The following AFF3 variants were observed in gnomAD, a reference collection of about 807,000 sequenced individuals.
AFF3 encodes AF4/FMR2 family member 3.
AFF3 carries 32 observed loss-of-function variants against 129.7 expected under a neutral mutation model. The observed-to-expected ratio is 0.25, with a 90% confidence interval of 0.19 to 0.33. AFF3 has a LOEUF of 0.33. AFF3 is among the 10% of genes least tolerant of loss of function. The pLI is 1.00. For synonymous variants in AFF3, 644 were observed against 635.4 expected, an observed-to-expected ratio of 1.01 and a Z score of -0.20; for missense variants, 1,373 against 1,592.0, an observed-to-expected ratio of 0.86 and a Z score of 2.34.
chr2:99,770,789 C>T (rs544144832), intron 8 of AFF3, among the ~76,000 whole-genome samples: 5 of 152,240 alleles, frequency 3.3e-5, no homozygotes, highest in African/African-American at 9.6e-5. Flanking sequence ...CTGAGAGGTA[C>T]GGCCTGAAAA....
chr2:99,637,331 C>T (rs12470522), intron 13 of AFF3, among the ~76,000 whole-genome samples: 24,674 of 152,282 alleles, frequency 0.16, 2,486 homozygotes, highest in South Asian at 0.29. Context: ...GATGCTTTTG[C>T]GGCACGGCCT....
intron 8 of AFF3, among the ~76,000 whole-genome samples, chr2:99,807,048 C>T (rs1275394598): frequency 5.3e-5 from 8 of 152,224 alleles, no homozygotes; most frequent in Admixed American, 4.6e-4. Flanking sequence ...TAACCCCCCA[C>T]ATTCCCTGTG....
intron 12 of AFF3, among the ~76,000 whole-genome samples, chr2:99,652,982 G>A (rs1050508779): frequency 6.6e-6 from 1 of 152,142 alleles, no homozygotes; most frequent in African/African-American, 2.4e-5. Flanking sequence ...CTCCAGGGAT[G>A]GGTGCTTCCC....
Position 99,648,909 on chromosome 2 carries a change from A to ACTCTCTCTCTCTCTCT in AFF3, c.1184+716_1184+717insAGAGAGAGAGAGAGAG, listed in dbSNP as rs1553416890. ...CGCACACACACACACACACACACAC[A>ACTCTCTCTCTCTCTCT]CACACACACTCTCTCTCTCTCTCTC... On this transcript the variant is annotated intron_variant, in intron 13 of 24. Transcript: ENST00000672756. 7.6e-3 allele frequency among the ~76,000 whole-genome samples: 328 copies of ACTCTCTCTCTCTCTCT among 42,964 alleles called. 3 individuals are homozygous for ACTCTCTCTCTCTCTCT. In the East Asian group the frequency reaches 0.13, roughly 17 times the overall value. The allele number at this position is 42,964 out of a possible 152,430, so 28.2% of individuals were successfully genotyped here.
chr2:99,586,852 T>C (rs1189079787), intron 16 of AFF3, among the ~76,000 whole-genome samples: 18 of 152,226 alleles, frequency 1.2e-4, no homozygotes, highest in Admixed American at 1.1e-3. Flanking sequence ...ATTAAAATAT[T>C]GATTAGAAAT....
chr2:99,950,213 A>T (rs1447147213), intron 7 of AFF3, among the ~76,000 whole-genome samples: 1 of 152,232 alleles, frequency 6.6e-6, no homozygotes, highest in Non-Finnish European at 1.5e-5. Context: ...AATTGTGCAG[A>T]AGCATTAAAT....
intron 12 of AFF3, among the ~76,000 whole-genome samples, chr2:99,656,252 GA>G (rs11337782): frequency 0.84 from 127,503 of 152,166 alleles, 53,477 homozygotes; most frequent in East Asian, 0.92. Flanking sequence ...TGTTCTAAGA[GA>G]AAAAGATTTA....
chr2:99,735,888 T>C (rs1021414366), intron 10 of AFF3, among the ~76,000 whole-genome samples: 2 of 152,218 alleles, frequency 1.3e-5, no homozygotes, highest in Non-Finnish European at 2.9e-5. Context: ...TACCTTTCAG[T>C]CCCAAATATT....
intron 12 of AFF3, among the ~76,000 whole-genome samples, chr2:99,658,891 C>A (rs575836803): frequency 1.3e-5 from 2 of 152,236 alleles, no homozygotes; most frequent in South Asian, 2.1e-4. Flanking sequence ...CTGGGGGAAA[C>A]CTTTATCTGG....
chr2:99,985,194 T>C (rs1442626817), intron 7 of AFF3, among the ~76,000 whole-genome samples: 1 of 152,208 alleles, frequency 6.6e-6, no homozygotes, highest in Admixed American at 6.5e-5. Flanking sequence ...CTTAAAAATA[T>C]CCAGTCAATA....
chr2:99,992,855 G>C (rs143928560), intron 7 of AFF3, among the ~76,000 whole-genome samples: 1 of 152,334 alleles, frequency 6.6e-6, no homozygotes, highest in African/African-American at 2.4e-5. Flanking sequence ...CCAATGCCTA[G>C]TCTGGACACA....
chr2:99,973,691 T>C (rs1656370212), intron 7 of AFF3, among the ~76,000 whole-genome samples: 1 of 151,986 alleles, frequency 6.6e-6, no homozygotes, highest in Admixed American at 6.6e-5. Flanking sequence ...CATCTTCAGT[T>C]TTTTTTTCCT....
chr2:99,770,120 A>C (rs912504714), intron 8 of AFF3, among the ~76,000 whole-genome samples: 1 of 152,144 alleles, frequency 6.6e-6, no homozygotes, highest in Non-Finnish European at 1.5e-5. Context: ...TCTAGGAGCC[A>C]GGGACTGAAG....
At chr2:99,933,230 CAA>C (rs1219854571) in intron 7 of AFF3, among the ~76,000 whole-genome samples, 1 of 152,000 alleles carries the variant, frequency 6.6e-6, no homozygotes, top group African/African-American at 2.4e-5. Flanking sequence ...TTCTGAAAAT[CAA>C]AGACTTGGGG....
chr2:99,896,375 T>C (rs1442777114), intron 7 of AFF3, among the ~76,000 whole-genome samples: 2 of 151,954 alleles, frequency 1.3e-5, no homozygotes, highest in African/African-American at 2.4e-5. Flanking sequence ...TCCAGAAATA[T>C]AGAAAGCCAT....
At chr2:99,719,941 G>T (rs1018237438) in intron 11 of AFF3, among the ~76,000 whole-genome samples, 1 of 152,202 alleles carries the variant, frequency 6.6e-6, no homozygotes, top group African/African-American at 2.4e-5. Flanking sequence ...GGAGGCTGAG[G>T]CAGGAGAATG....
At chr2:100,037,319 G>A (rs985609631) in intron 4 of AFF3, among the ~76,000 whole-genome samples, 1 of 148,824 alleles carries the variant, frequency 6.7e-6, no homozygotes, top group Non-Finnish European at 1.5e-5. Flanking sequence ...AAACTATACA[G>A]GGTATGATCT....
At chr2:99,852,201 C>G (rs963522145) in intron 7 of AFF3, among the ~76,000 whole-genome samples, 5 of 152,222 alleles carry the variant, frequency 3.3e-5, no homozygotes, top group African/African-American at 1.2e-4. Context: ...AGAGTCAGCC[C>G]TGATCAATAC....
At chr2:99,597,947 C>T (rs73964170) in intron 14 of AFF3, among the ~76,000 whole-genome samples, 4,006 of 152,290 alleles carry the variant, frequency 0.026, 174 homozygotes, top group African/African-American at 0.09. Flanking sequence ...CCATGGACCT[C>T]GTAGGCACCT....
Sources: gnomAD v4.1 joint callset for allele counts (sites outside exome capture counted in the v4.1 genomes callset) on GRCh38, gnomAD v4.1.1 for gene constraint, MANE v1.5 for transcripts, NCBI Gene and HGNC (gene_info 2026-07-23, HGNC 2026-07-21) for gene names.